Variants in SH3KBP1 observed in about 807,000 individuals in gnomAD.
SH3KBP1 encodes the protein SH3 domain containing kinase binding protein 1.
SH3KBP1 carries 8 observed loss-of-function variants against 50.1 expected under a neutral mutation model. The observed-to-expected ratio is 0.16, with a 90% confidence interval of 0.09 to 0.29. SH3KBP1 has a LOEUF of 0.29. Ranked by LOEUF, SH3KBP1 falls within the 10% of genes least tolerant of loss-of-function variation. The pLI is 1.00. For synonymous variants in SH3KBP1, 227 were observed against 218.6 expected, an observed-to-expected ratio of 1.04 and a Z score of -0.34; for missense variants, 377 against 535.2, an observed-to-expected ratio of 0.70 and a Z score of 2.92.
chrX:19,534,934 G>T lies in SH3KBP1; in HGVS notation c.*1483C>A, dbSNP rs750595807. The T allele has an allele frequency of 3.4e-6, 1 of 295,678 alleles. No individual in the cohort carries two copies. The highest frequency in any genetic ancestry group is 2.8e-5 in the African/African-American group (1 of 36,350). The allele number at this position is 295,678 out of a possible 1,213,427, so 24.4% of individuals were successfully genotyped here. On this transcript the variant is annotated 3_prime_UTR_variant, in exon 18 of 18. Coordinates refer to ENST00000397821, the MANE Select transcript of SH3KBP1 (RefSeq NM_031892.3). The stretch of plus-strand genomic sequence containing the variant: ...TTTTTTGTTTTTGCATCACTTCTTC[G>T]GTATTATCAACTCTCATTCTTTGTG...
intron 6 of SH3KBP1, among the ~76,000 whole-genome samples, chrX:19,654,180 A>G (rs2062212033): frequency 9.0e-6 from 1 of 111,726 alleles, no homozygotes; most frequent in African/African-American, 3.3e-5. Flanking sequence ...TTTATCATGT[A>G]GTTTAACTTC....
chrX:19,678,240 C>T (rs73459676), intron 6 of SH3KBP1, among the ~76,000 whole-genome samples: 2,642 of 111,294 alleles, frequency 0.024, 80 homozygotes, highest in African/African-American at 0.081. Flanking sequence ...CAAAATAAAA[C>T]ATAATCTATA....
rs1476078486 is a variant in SH3KBP1 at position 19,536,206 on chromosome X, A to G, written c.*211T>C. The stretch of plus-strand genomic sequence containing the variant: ...CACAATTTTGCTCTGTGTAAGTCAC[A>G]ACGAGTGCCAGCCCCAGGACTAAAC... On this transcript the variant is annotated 3_prime_UTR_variant, in exon 18 of 18. Coordinates refer to ENST00000397821, the MANE Select transcript of SH3KBP1 (RefSeq NM_031892.3). 1 of 330,485 alleles carries G rather than the reference A, an allele frequency of 3.0e-6. No individual in the cohort carries two copies. The highest frequency in any genetic ancestry group is 5.4e-6 in the Non-Finnish European group (1 of 184,795). The allele number at this position is 330,485 out of a possible 1,213,427, so 27.2% of individuals were successfully genotyped here.
At chrX:19,835,332 T>TCTC (rs1249461412) in intron 2 of SH3KBP1, among the ~76,000 whole-genome samples, 1 of 109,710 alleles carries the variant, frequency 9.1e-6, no homozygotes. Flanking sequence ...GAGACAGGGA[T>TCTC]CTCCCTATAT....
intron 2 of SH3KBP1, among the ~76,000 whole-genome samples, chrX:19,765,742 A>G (rs1329169721): frequency 1.8e-5 from 2 of 111,690 alleles, no homozygotes; most frequent in African/African-American, 6.5e-5. Flanking sequence ...GCTCCTGGCA[A>G]CCAGCAGTCC....
intron 5 of SH3KBP1, among the ~76,000 whole-genome samples, chrX:19,685,131 C>A (rs1396803426): frequency 1.8e-5 from 2 of 112,298 alleles, no homozygotes; most frequent in Non-Finnish European, 3.8e-5. Context: ...CATAACCATG[C>A]CCTTGAAATG....
At chrX:19,554,115 T>C (rs1267926299) in intron 13 of SH3KBP1, among the ~76,000 whole-genome samples, 2 of 74,878 alleles carry the variant, frequency 2.7e-5, no homozygotes, top group East Asian at 3.8e-4. Context: ...CATATTAAAA[T>C]ATAATATTAT....
intron 6 of SH3KBP1, among the ~76,000 whole-genome samples, chrX:19,653,285 T>C (rs375707266): frequency 8.1e-5 from 9 of 111,500 alleles, no homozygotes; most frequent in African/African-American, 2.6e-4. Flanking sequence ...CACACCAGCC[T>C]TTTCAATAAT....
At chrX:19,807,829 T>C (rs776463758) in intron 2 of SH3KBP1, among the ~76,000 whole-genome samples, 5 of 112,703 alleles carry the variant, frequency 4.4e-5, no homozygotes, top group African/African-American at 1.6e-4. Context: ...GTGTTTTGTC[T>C]CTTCAGACTG....
At chrX:19,761,541 G>A (rs1012566392) in intron 2 of SH3KBP1, among the ~76,000 whole-genome samples, 1 of 112,060 alleles carries the variant, frequency 8.9e-6, no homozygotes, top group African/African-American at 3.2e-5. Context: ...AGCAAAACCT[G>A]AGATATGTGC....
At chrX:19,759,028 A>G (rs376509083) in intron 2 of SH3KBP1, among the ~76,000 whole-genome samples, 1 of 112,563 alleles carries the variant, frequency 8.9e-6, no homozygotes, top group African/African-American at 3.2e-5. Context: ...ATAGAAAAAG[A>G]AACAGAATTG....
chrX:19,712,636 T>C (rs749150831), intron 3 of SH3KBP1, among the ~76,000 whole-genome samples: 1 of 111,257 alleles, frequency 9.0e-6, no homozygotes, highest in Admixed American at 9.6e-5. Flanking sequence ...GGGATTAAGA[T>C]ATTTACCAAA....
intron 1 of SH3KBP1, among the ~76,000 whole-genome samples, chrX:19,838,047 C>T: frequency 9.6e-6 from 1 of 104,167 alleles, no homozygotes. Flanking sequence ...AGACAAAAAG[C>T]ACAAATGAGT....
rs769173980 is a variant in SH3KBP1 at position 19,805,964 on chromosome X, A to AAT, written c.162+30159_162+30160dup. Reference sequence around the variant, plus strand: ...CATTCACCTGGTATTTCCCTCAATGAATATATCATTACCAAATACCAGCAA... The same window carrying AAT: ...CATTCACCTGGTATTTCCCTCAATGAATATATATCATTACCAAATACCAGCAA... On this transcript the variant is annotated intron_variant, in intron 2 of 17. Coordinates refer to ENST00000397821, the MANE Select transcript of SH3KBP1 (RefSeq NM_031892.3). Among the ~76,000 whole-genome samples, 5 of 111,447 alleles carry AAT rather than the reference A, an allele frequency of 4.5e-5. No individual in the cohort carries two copies. In the Admixed American group the frequency reaches 4.8e-4, roughly 11 times the overall value.
chrX:19,640,755 G>A (rs765683772), intron 7 of SH3KBP1, among the ~76,000 whole-genome samples: 3 of 111,350 alleles, frequency 2.7e-5, no homozygotes, highest in Non-Finnish European at 5.7e-5. Context: ...TGCAAATCCC[G>A]CTCCTTTTCT....
At chrX:19,677,886 G>A (rs1466617162) in intron 6 of SH3KBP1, among the ~76,000 whole-genome samples, 1 of 112,128 alleles carries the variant, frequency 8.9e-6, no homozygotes, top group African/African-American at 3.2e-5. Flanking sequence ...TCCCCTTTAT[G>A]TTTCCTTCCC....
chrX:19,821,188 T>C (rs2067513739), intron 2 of SH3KBP1, among the ~76,000 whole-genome samples: 1 of 111,850 alleles, frequency 8.9e-6, no homozygotes, highest in Non-Finnish European at 1.9e-5. Context: ...GCCAGGAGTT[T>C]GACACCAGCC....
At chrX:19,811,466 G>A (rs888248774) in intron 2 of SH3KBP1, among the ~76,000 whole-genome samples, 1 of 111,523 alleles carries the variant, frequency 9.0e-6, no homozygotes, top group African/African-American at 3.3e-5. Flanking sequence ...AATCCCACTG[G>A]ACCGAAGCCT....
At chrX:19,729,799 G>A (rs960605402) in intron 3 of SH3KBP1, among the ~76,000 whole-genome samples, 2 of 111,717 alleles carry the variant, frequency 1.8e-5, no homozygotes, top group African/African-American at 6.5e-5. Context: ...AGGGAGGAAA[G>A]GAGTCTCTTC....
Sources: allele counts gnomAD v4.1 joint callset (sites outside exome capture counted in the v4.1 genomes callset), GRCh38; gene constraint gnomAD v4.1.1; transcripts MANE v1.5; gene names NCBI Gene and HGNC (gene_info 2026-07-23, HGNC 2026-07-21).